Variants in AIF1L observed in about 807,000 individuals in gnomAD.
The protein encoded by AIF1L is allograft inflammatory factor 1 like.
AIF1L carries 12 observed loss-of-function variants against 20.7 expected under a neutral mutation model. That is an observed-to-expected ratio of 0.58 (90% CI 0.37 to 0.94). AIF1L has a LOEUF of 0.94. AIF1L is among the 40% of genes least tolerant of loss of function. The probability of loss-of-function intolerance (pLI) is 0.01; values close to 1 mark genes in which losing one functional copy is unlikely to be tolerated. For synonymous variants in AIF1L, 76 were observed against 65.1 expected (o/e 1.17, Z -0.81); for missense variants, 173 against 185.3 (o/e 0.93, Z 0.39).
At chr9:131,104,967 T>C (rs550703477) in intron 2 of AIF1L, among the ~76,000 whole-genome samples, 66 of 88,124 alleles carry the variant, frequency 7.5e-4, no homozygotes, top group African/African-American at 3.6e-3. Context: ...CCAGTCTGCC[T>C]TTTTTTTTTC....
chr9:131,108,694 G>C (rs534863964), intron 2 of AIF1L, among the ~76,000 whole-genome samples: 76 of 152,338 alleles, frequency 5.0e-4, no homozygotes, highest in African/African-American at 1.8e-3. Flanking sequence ...TTGCCAGGTA[G>C]GTTTCTCCTG....
chr9:131,120,343 A>AC lies in AIF1L; in HGVS notation c.*21_*22insC. ...CCTGAGGACCCCGCCTGGACTCCCC[A>AC]GCCTTCCCACCCCATACCTCCCTCC... On this transcript the variant is annotated 3_prime_UTR_variant, in exon 6 of 6. Transcript: ENST00000247291. 1 of 1,422,208 alleles carries AC rather than the reference A, an allele frequency of 7.0e-7. No individual in the cohort carries two copies. The highest frequency in any genetic ancestry group is 9.5e-7 in the Non-Finnish European group (1 of 1,049,260). The allele number at this position is 1,422,208 out of a possible 1,614,324, so 88.1% of individuals were successfully genotyped here.
chr9:131,110,888 G>A lies in AIF1L; in HGVS notation c.94-709G>A, dbSNP rs555073643. On this transcript the variant is annotated intron_variant, in intron 2 of 5. Coordinates refer to ENST00000247291, the MANE Select transcript of AIF1L (RefSeq NM_031426.4). ...AATAGAAGTGTGGGGAGGGCCGGGC[G>A]CGGTGGCTCACACCTGTAATCCCAG... is the stretch of plus-strand genomic sequence containing the variant. Among the ~76,000 whole-genome samples the A allele has an allele frequency of 4.8e-3, 736 of 152,090 alleles. 1 individual carries two copies. The highest frequency in any genetic ancestry group is 7.2e-3 in the Admixed American group (110 of 15,274).
chr9:131,119,451 A>G (rs1412484548), intron 5 of AIF1L, among the ~76,000 whole-genome samples: 3 of 151,858 alleles, frequency 2.0e-5, no homozygotes, highest in Non-Finnish European at 4.4e-5. Flanking sequence ...CAGTGAGCAG[A>G]GATCGTGACA....
In AIF1L at chr9:131,120,470, A is replaced by C. The variant is rs957104609; in HGVS notation, c.*148A>C. On this transcript the variant is annotated 3_prime_UTR_variant, in exon 6 of 6. Coordinates refer to ENST00000247291, the MANE Select transcript of AIF1L (RefSeq NM_031426.4). ...TTTCATCAATGTCTTTGTAAAGCACAAATTATCTGCCTTAAAGGGGCTCTG... is the reference window on the plus strand; with the variant it reads ...TTTCATCAATGTCTTTGTAAAGCACCAATTATCTGCCTTAAAGGGGCTCTG... 5 of 677,600 alleles carry C rather than the reference A, an allele frequency of 7.4e-6. No homozygotes were observed. The highest frequency in any genetic ancestry group is 9.7e-6 in the Non-Finnish European group (4 of 411,452). 42.0% of individuals were successfully genotyped at this position (677,600 alleles called of 1,614,324 possible). A position where few individuals can be genotyped will look rare whatever the true frequency, so the allele number is the denominator to read the frequency against.
chr9:131,104,122 C>T (rs551046319), intron 2 of AIF1L, among the ~76,000 whole-genome samples: 4 of 152,294 alleles, frequency 2.6e-5, no homozygotes, highest in South Asian at 2.1e-4. Flanking sequence ...AGCTCCTGCC[C>T]GCTTGCATTT....
rs1831132800 is a variant in AIF1L at position 131,121,286 on chromosome 9, C to T, written c.*964C>T. ...TCCTACCCTACTCACATAATTCACT[C>T]ATTGACTCACTCATTCACCAGATAT... On this transcript the variant is annotated 3_prime_UTR_variant, in exon 6 of 6. Transcript: ENST00000247291. 1 of 582,804 alleles carries T rather than the reference C, an allele frequency of 1.7e-6. No homozygotes were observed. The highest frequency in any genetic ancestry group is 3.1e-6 in the Non-Finnish European group (1 of 319,676). 36.1% of individuals were successfully genotyped at this position (582,804 alleles called of 1,614,324 possible). A position where few individuals can be genotyped will look rare whatever the true frequency, so the allele number is the denominator to read the frequency against.
Position 131,111,617 on chromosome 9 carries a change from G to A in AIF1L, c.114G>A (p.Lys38=). The A allele has an allele frequency of 6.2e-7, 1 of 1,614,070 alleles. No homozygotes were observed. The highest frequency in any genetic ancestry group is 8.5e-7 in the Non-Finnish European group (1 of 1,179,968). The change falls in exon 3 of 6, where the codon AAG becomes AAA. Residue 38 remains lysine, a synonymous_variant. Coordinates refer to ENST00000247291, the MANE Select transcript of AIF1L (RefSeq NM_031426.4). ...EINREFLCDQ[K]YSDEENLPEK... Reference sequence around the variant, plus strand: ...TGTAGGAGTTTCTGTGTGACCAGAAGTACAGTGATGAAGAGAACCTTCCAG... The same window carrying A: ...TGTAGGAGTTTCTGTGTGACCAGAAATACAGTGATGAAGAGAACCTTCCAG...
chr9:131,122,830 G>C lies in AIF1L; in HGVS notation c.*2508G>C, dbSNP rs1204339333. On this transcript the variant is annotated 3_prime_UTR_variant, in exon 6 of 6. Transcript: ENST00000247291. ...TTGAGACTCAACTCCTGGGAGGAGA[G>C]GGTCTCAAGAGTTGTCCCTGGAAGG... The C allele has an allele frequency of 6.6e-6, 1 of 152,286 alleles. No homozygotes were observed. The highest frequency in any genetic ancestry group is 1.5e-5 in the Non-Finnish European group (1 of 68,090). 9.4% of individuals were successfully genotyped at this position (152,286 alleles called of 1,614,324 possible).
At chr9:131,097,770 T>G (rs769571649) in intron 2 of AIF1L, among the ~76,000 whole-genome samples, 102 of 152,194 alleles carry the variant, frequency 6.7e-4, no homozygotes, top group Non-Finnish European at 2.8e-4. Context: ...TCTGTGGTCC[T>G]CAGCAAAGGG....
At chr9:131,110,153 A>G (rs374636104) in intron 2 of AIF1L, among the ~76,000 whole-genome samples, 1 of 152,184 alleles carries the variant, frequency 6.6e-6, no homozygotes, top group African/African-American at 2.4e-5. Context: ...CGGAGGTTAC[A>G]GTGAGCTGAG....
chr9:131,101,640 G>A (rs972837662), intron 2 of AIF1L, among the ~76,000 whole-genome samples: 6 of 151,782 alleles, frequency 4.0e-5, no homozygotes, highest in African/African-American at 9.7e-5. Flanking sequence ...TCACTGTGCC[G>A]GGCCTTGACT....
chr9:131,113,400 A>C (rs1403060914), intron 3 of AIF1L, among the ~76,000 whole-genome samples: 1 of 147,560 alleles, frequency 6.8e-6, no homozygotes, highest in Non-Finnish European at 1.5e-5. Context: ...CGGGAGGCTG[A>C]GACAGGAGGA....
intron 5 of AIF1L, 124 bp from the exon 6 acceptor site, chr9:131,120,111 A>G (rs1831102823): frequency 1.2e-6 from 1 of 846,376 alleles, no homozygotes; most frequent in African/African-American, 1.7e-5. Context: ...ATCCCACTGG[A>G]GAACAGATTT....
At position 131,097,937 on chromosome 9, in the gene AIF1L, C is replaced by T. The variant is rs370467036; in HGVS notation, c.93+1074C>T. The stretch of plus-strand genomic sequence containing the variant: ...TCCTTCTTAACTGGTGGCAGAGGCA[C>T]GCCCGCTGAAACAAGGCTTGGCATT... On this transcript the variant is annotated intron_variant, in intron 2 of 5. Transcript: ENST00000247291. Among the ~76,000 whole-genome samples the T allele has an allele frequency of 7.2e-5, 11 of 152,386 alleles. No homozygotes were observed. The South Asian group carries it at 1.2e-3, about 17-fold the overall frequency.
intron 2 of AIF1L, among the ~76,000 whole-genome samples, chr9:131,105,883 G>A (rs7874631): frequency 0.24 from 35,415 of 149,340 alleles, 4,632 homozygotes; most frequent in African/African-American, 0.34. Context: ...CAGTGGTGCA[G>A]TCAAAGCTCA....
At position 131,114,111 on chromosome 9, in the gene AIF1L, A is replaced by G. The variant is rs531417009; in HGVS notation, c.161-466A>G. On this transcript the variant is annotated intron_variant, in intron 3 of 5. Transcript: ENST00000247291. ...AGGCCTTTTTCCTGGTTTCAGAATC[A>G]CAGGTCCCCTGAATCAGTGGTTCCC... 171 of 180,388 alleles carry G rather than the reference A, an allele frequency of 9.5e-4. 2 individuals carry two copies. The highest frequency in any genetic ancestry group is 3.7e-3 in the African/African-American group (157 of 42,912). 11.2% of individuals were successfully genotyped at this position (180,388 alleles called of 1,614,324 possible).
chr9:131,115,674 T>C (rs1405737547), intron 4 of AIF1L, among the ~76,000 whole-genome samples: 1 of 150,868 alleles, frequency 6.6e-6, no homozygotes, highest in South Asian at 2.1e-4. Context: ...TTTTTTTTTT[T>C]CTTTAGAAAG....
chr9:131,106,309 A>C (rs1266598812), intron 2 of AIF1L: 2 of 1,339,552 alleles, frequency 1.5e-6, no homozygotes, highest in East Asian at 2.5e-5. Context: ...CTCATCCTGC[A>C]CATGTTTATT....
Sources: allele counts gnomAD v4.1 joint callset (sites outside exome capture counted in the v4.1 genomes callset), GRCh38; gene constraint gnomAD v4.1.1; transcripts MANE v1.5; gene names NCBI Gene and HGNC (gene_info 2026-07-23, HGNC 2026-07-21).